Variants in DENND3 observed in about 807,000 individuals in gnomAD.
DENND3 encodes the protein DENN domain-containing protein 3.
DENND3 carries 88 observed loss-of-function variants against 135.1 expected under a neutral mutation model. The observed-to-expected ratio is 0.65, with a 90% CI of 0.55 to 0.78. DENND3 has a LOEUF of 0.78. Among genes scored for constraint, DENND3 ranks in the 30% least tolerant of loss-of-function variants. The pLI, the probability that DENND3 is intolerant of heterozygous loss-of-function variation, is 0.00. For missense variants in DENND3, 1,392 were observed against 1,688.4 expected (o/e 0.82, Z 3.08); for synonymous variants, 693 against 712.3 (o/e 0.97, Z 0.43).
intron 13 of DENND3, among the ~76,000 whole-genome samples, chr8:141,170,351 G>A (rs926138603): frequency 3.0e-4 from 46 of 152,138 alleles, no homozygotes; most frequent in Admixed American, 2.9e-3. Flanking sequence ...TGTCATGGCC[G>A]AGTGTGTGTA....
Position 141,192,384 on chromosome 8 carries a change from T to C in DENND3, c.3433T>C (p.Leu1145=), listed in dbSNP as rs1233407178. The stretch of plus-strand genomic sequence containing the variant: ...AATGAATGGATCCCTCCATCAAGAA[T>C]TGAAGATTGAGGAGAACTTCAAAGA... ...MKMNGSLHQE[L]KIEENFKDTS... The change falls in exon 21 of 23, where the codon TTG becomes CTG. Residue 1145 remains leucine (L), a synonymous_variant. Transcript: ENST00000519811. The C allele has an allele frequency of 2.5e-6, 4 of 1,614,212 alleles. No individual in the cohort carries two copies. The highest frequency in any genetic ancestry group is 1.6e-4 in the Middle Eastern group (1 of 6,062).
At chr8:141,172,429 G>C (rs1233104770) in intron 13 of DENND3, among the ~76,000 whole-genome samples, 1 of 152,148 alleles carries the variant, frequency 6.6e-6, no homozygotes, top group Admixed American at 6.5e-5. Context: ...GTTTTCTAGA[G>C]CCCTGAGCGC....
At chr8:141,186,668 A>C (rs915798604) in intron 18 of DENND3, among the ~76,000 whole-genome samples, 1 of 151,934 alleles carries the variant, frequency 6.6e-6, no homozygotes, top group Non-Finnish European at 1.5e-5. Flanking sequence ...ATTGTTTCTG[A>C]TAATTTTAAA....
Position 141,138,042 on chromosome 8 carries a change from G to A in DENND3, c.406G>A (p.Glu136Lys), listed in dbSNP as rs1156932234. The A allele has an allele frequency of 1.9e-6, 3 of 1,605,654 alleles. No individual in the cohort carries two copies. In the South Asian group the frequency reaches 3.4e-5, roughly 18 times the overall value. Residue 136 changes from glutamate to lysine, a missense_variant, in exon 3 of 23, where the codon GAA becomes AAA. Transcript: ENST00000519811. This position sits in a 1 kb window ranked among gnomAD's most constrained non-coding sequence, Gnocchi z 4.8. ...CFPGGVCVAT[E>K]PKEDCVHFLV... The stretch of plus-strand genomic sequence containing the variant: ...TGCAGGGGGTGTGTGCGTGGCCACT[G>A]AACCTAAGGAGGATTGCGTCCACTT...
Position 141,128,783 on chromosome 8 carries a change from C to T in DENND3, c.76C>T (p.Arg26Trp), listed in dbSNP as rs976191348. ...LELCALLGAP[R>W]DSLRSLEQVA... Reference sequence around the variant, plus strand: ...GCTCTGCGCGCTGCTGGGCGCCCCCCGGGACAGTCTCCGAAGTCTCGAGCA... The same window carrying T: ...GCTCTGCGCGCTGCTGGGCGCCCCCTGGGACAGTCTCCGAAGTCTCGAGCA... Residue 26 changes from arginine (R) to tryptophan (W), a missense_variant, in exon 1 of 23, where the codon CGG (arginine) becomes TGG (tryptophan). Arg to Trp is a moderately radical substitution (Grantham distance 101, BLOSUM62 -3). Transcript: ENST00000519811. The surrounding 1 kb of genome is among the most constrained non-coding windows in gnomAD (Gnocchi z 4.5). 2.9e-5 allele frequency: 43 copies of T among 1,461,922 alleles called. No individual in the cohort carries two copies. Among genetic ancestry groups the T allele is most frequent in the Non-Finnish European group, 3.8e-5 (42 of 1,107,916 alleles). The allele number at this position is 1,461,922 out of a possible 1,614,324, so 90.6% of individuals were successfully genotyped here.
At chr8:141,179,037 C>T in intron 16 of DENND3, among the ~76,000 whole-genome samples, 1 of 152,124 alleles carries the variant, frequency 6.6e-6, no homozygotes, top group East Asian at 1.9e-4. Context: ...GGGACTCTGG[C>T]TTTTTAAAAA....
At position 141,168,317 on chromosome 8, in the gene DENND3, G is replaced by GGGGGCTGAGCAGGCGCC; in HGVS notation, c.2070_2086dup (p.Glu696GlyfsTer8). Reference sequence around the variant, plus strand: ...AATCCATGTCTGCCCCTGAGTGGGAGGGGGCTGAGCAGGCGCCGGAGCTGA... The same window carrying GGGGGCTGAGCAGGCGCC: ...AATCCATGTCTGCCCCTGAGTGGGAGGGGGCTGAGCAGGCGCCGGGGCTGAGCAGGCGCCGGAGCTGA... On this transcript the variant is annotated frameshift_variant, in exon 13 of 23. Coordinates refer to ENST00000519811, the MANE Select transcript of DENND3 (RefSeq NM_001352890.3). LOFTEE classifies it high-confidence loss of function. The surrounding 1 kb of genome is among the most constrained non-coding windows in gnomAD (Gnocchi z 6.2). The GGGGGCTGAGCAGGCGCC allele has an allele frequency of 1.9e-6, 3 of 1,614,056 alleles. No individual in the cohort carries two copies. Among genetic ancestry groups the GGGGGCTGAGCAGGCGCC allele is most frequent in the Non-Finnish European group, 2.5e-6 (3 of 1,180,008 alleles).
Position 141,172,203 on chromosome 8 carries a change from C to T in DENND3, c.2276-2997C>T, listed in dbSNP as rs1821701476. On this transcript the variant is annotated intron_variant, in intron 13 of 22. Coordinates refer to ENST00000519811, the MANE Select transcript of DENND3 (RefSeq NM_001352890.3). ...GGGTGTACACTGTGGTAGGTGTGCA[C>T]AGTGGATGTGCACAGTGGCCGTGGG... 5.0e-5 allele frequency among the ~76,000 whole-genome samples: 7 copies of T among 138,654 alleles called. No homozygotes were observed. The South Asian group carries it at 1.6e-3, about 32-fold the overall frequency. 91.0% of individuals were successfully genotyped at this position (138,654 alleles called of 152,430 possible). A position where few individuals can be genotyped will look rare whatever the true frequency, so the allele number is the denominator to read the frequency against.
chr8:141,129,316 A>T (rs1589504885), intron 1 of DENND3, among the ~76,000 whole-genome samples: 1 of 152,160 alleles, frequency 6.6e-6, no homozygotes, highest in African/African-American at 2.4e-5. Flanking sequence ...CCAGGCACAG[A>T]ATAACGAGAG....
rs1378146577 is a variant in DENND3 at position 141,194,777 on chromosome 8, G to T, written c.*544G>T. ...TGTGGGCTCTCTCCCATCACAGAAG[G>T]TGGACAGGGCCTACCCAGGTGGAGG... is the stretch of plus-strand genomic sequence containing the variant. On this transcript the variant is annotated 3_prime_UTR_variant, in exon 23 of 23. Coordinates refer to ENST00000519811, the MANE Select transcript of DENND3 (RefSeq NM_001352890.3). 1 of 154,596 alleles carries T rather than the reference G, an allele frequency of 6.5e-6. No homozygotes were observed. Among genetic ancestry groups the T allele is most frequent in the East Asian group, 1.9e-4 (1 of 5,248 alleles). 9.6% of individuals were successfully genotyped at this position (154,596 alleles called of 1,614,324 possible).
rs567217455 is a variant in DENND3 at position 141,174,903 on chromosome 8, G to A, written c.2276-297G>A. ...TCCGGAAGGACTTTCCTACCCAAAG[G>A]TAAGAGTTGCTGTGACTACCTGAAG... On this transcript the variant is annotated intron_variant, in intron 13 of 22. Coordinates refer to ENST00000519811, the MANE Select transcript of DENND3 (RefSeq NM_001352890.3). The surrounding 1 kb of genome is among the most constrained non-coding windows in gnomAD (Gnocchi z 4.6). Among the ~76,000 whole-genome samples, 1 of 152,330 alleles carries A rather than the reference G, an allele frequency of 6.6e-6. No homozygotes were observed. Among genetic ancestry groups the A allele is most frequent in the South Asian group, 2.1e-4 (1 of 4,826 alleles).
At position 141,144,125 on chromosome 8, in the gene DENND3, G is replaced by A. The variant is rs997309371; in HGVS notation, c.624-23G>A. Reference sequence around the variant, plus strand: ...CGTTCTCATCTTTATTTTGCGGTTTGAGTTTTGTGTTTCGAATTTCAGTTT... The same window carrying A: ...CGTTCTCATCTTTATTTTGCGGTTTAAGTTTTGTGTTTCGAATTTCAGTTT... On this transcript the variant is annotated intron_variant, in intron 4 of 22. Coordinates refer to ENST00000519811, the MANE Select transcript of DENND3 (RefSeq NM_001352890.3). This position sits in a 1 kb window ranked among gnomAD's most constrained non-coding sequence, Gnocchi z 4.4. 9 of 1,592,336 alleles carry A rather than the reference G, an allele frequency of 5.7e-6. No homozygotes were observed. Among genetic ancestry groups the A allele is most frequent in the Non-Finnish European group, 7.7e-6 (9 of 1,166,716 alleles).
intron 17 of DENND3, chr8:141,184,398 C>T (rs974722008): frequency 1.3e-5 from 2 of 152,120 alleles, no homozygotes; most frequent in African/African-American, 4.8e-5. Flanking sequence ...GACTCGGAGC[C>T]TGTGGTTTGC....
At position 141,192,435 on chromosome 8, in the gene DENND3, C is replaced by A; in HGVS notation, c.3484C>A (p.Gln1162Lys). Reference protein sequence around the residue: ...KDTSTSFLAFQLLPEEEQLWA... With the variant: ...KDTSTSFLAFKLLPEEEQLWA... ...CACCAGTACCTCCTTCCTGGCCTTC[C>A]AGCTCCTTCCTGAGGTATCCCAGCA... Residue 1162 changes from glutamine (Q) to lysine (K), a missense_variant, in exon 21 of 23, where the codon CAG (glutamine) becomes AAG (lysine). Gln to Lys is a moderately conservative substitution (Grantham distance 53). Transcript: ENST00000519811. The A allele has an allele frequency of 6.2e-7, 1 of 1,614,224 alleles. No individual in the cohort carries two copies. The highest frequency in any genetic ancestry group is 1.3e-5 in the African/African-American group (1 of 75,074).
intron 7 of DENND3, among the ~76,000 whole-genome samples, chr8:141,153,234 C>T (rs143605538): frequency 0.093 from 14,105 of 151,752 alleles, 823 homozygotes; most frequent in South Asian, 0.23. Context: ...GCTGGGACTA[C>T]AGGCATGTGC....
intron 16 of DENND3, 98 bp downstream of exon 16, chr8:141,178,294 C>CG: frequency 6.8e-7 from 1 of 1,460,768 alleles, no homozygotes; most frequent in South Asian, 1.4e-5. Flanking sequence ...AGAACCGAGC[C>CG]CAGCTCCCCC....
rs914589876 is a variant in DENND3 at position 141,139,856 on chromosome 8, C to T, written c.502-1347C>T. Among the ~76,000 whole-genome samples the T allele has an allele frequency of 3.3e-5, 5 of 152,076 alleles. No individual in the cohort carries two copies. The highest frequency in any genetic ancestry group is 7.3e-5 in the Non-Finnish European group (5 of 68,032). On this transcript the variant is annotated intron_variant, in intron 3 of 22. Transcript: ENST00000519811. The surrounding 1 kb of genome is among the most constrained non-coding windows in gnomAD (Gnocchi z 4.2). ...CGGGGTATCCCCAGGTCCCACAGCA[C>T]TCATCTCTCCTTCTTCACTATGTAT...
chr8:141,156,147 T>C (rs1299018663), intron 8 of DENND3, among the ~76,000 whole-genome samples, 177 bp downstream of exon 8: 1 of 152,222 alleles, frequency 6.6e-6, no homozygotes, highest in East Asian at 1.9e-4. Context: ...TTGTTCAGGC[T>C]GGAGTGCAGT....
chr8:141,145,839 A>ATTTTTTTTTT (rs1818034542), intron 5 of DENND3, among the ~76,000 whole-genome samples: 1 of 29,702 alleles, frequency 3.4e-5, no homozygotes, highest in African/African-American at 3.3e-4. Flanking sequence ...ATATATATAT[A>ATTTTTTTTTT]TATATATATA....
Sources: gnomAD v4.1 joint callset for allele counts (sites outside exome capture counted in the v4.1 genomes callset) on GRCh38, gnomAD v4.1.1 for gene constraint, Gnocchi (gnomAD v3.1) non-coding constraint, MANE v1.5 for transcripts, NCBI Gene and HGNC (gene_info 2026-07-23, HGNC 2026-07-21) for gene names.